GSK3B: variants seen among roughly 807,000 people sequenced by gnomAD.
GSK3B encodes glycogen synthase kinase 3 beta, also known as glycogen synthase kinase-3 beta.
Under a neutral mutation model 56.4 loss-of-function variants are expected in GSK3B, and 15 were observed. That is an observed-to-expected ratio of 0.27 (90% CI 0.18 to 0.41). The LOEUF (loss-of-function observed/expected upper bound fraction) is 0.41. GSK3B is among the 10% of genes least tolerant of loss of function. GSK3B has a pLI of 1.00. For synonymous variants in GSK3B, 181 were observed against 188.9 expected (o/e 0.96, Z 0.34); for missense variants, 300 against 513.4 (o/e 0.58, Z 4.02).
chr3:119,840,438 C>T (rs144827132), intron 10 of GSK3B, among the ~76,000 whole-genome samples: 2,639 of 152,034 alleles, frequency 0.017, 79 homozygotes, highest in South Asian at 0.067. Context: ...TGGTCAGGCT[C>T]GTCTTGAACT....
chr3:119,839,721 T>C (rs755880215), intron 10 of GSK3B, among the ~76,000 whole-genome samples: 2 of 152,208 alleles, frequency 1.3e-5, no homozygotes, highest in Non-Finnish European at 2.9e-5. Flanking sequence ...TTAAGTATTA[T>C]TTTGCTTCTT....
chr3:119,912,054 C>T (rs1163710941), intron 6 of GSK3B, among the ~76,000 whole-genome samples: 1 of 152,168 alleles, frequency 6.6e-6, no homozygotes, highest in Non-Finnish European at 1.5e-5. Context: ...ATATGCCTTC[C>T]TTGCTCAGCT....
At chr3:119,911,405 A>T (rs2056733249) in intron 6 of GSK3B, among the ~76,000 whole-genome samples, 1 of 152,148 alleles carries the variant, frequency 6.6e-6, no homozygotes, top group South Asian at 2.1e-4. Context: ...TAAGGGCCCT[A>T]GGATTTCTGG....
intron 7 of GSK3B, among the ~76,000 whole-genome samples, chr3:119,893,489 T>C (rs1315846388): frequency 1.3e-5 from 2 of 152,152 alleles, no homozygotes; most frequent in Non-Finnish European, 2.9e-5. Flanking sequence ...AGCAAAAAGG[T>C]ATAGCTGCAG....
intron 1 of GSK3B, among the ~76,000 whole-genome samples, chr3:120,050,629 C>A (rs956697056): frequency 1.3e-5 from 2 of 152,034 alleles, no homozygotes; most frequent in Non-Finnish European, 2.9e-5. Context: ...TGCCATTTAC[C>A]AAGATAGAGA....
chr3:119,945,856 T>TAAC (rs761653694), intron 3 of GSK3B, among the ~76,000 whole-genome samples: 21 of 151,950 alleles, frequency 1.4e-4, no homozygotes, highest in Admixed American at 2.0e-4. Context: ...ATGTATCTAG[T>TAAC]AACAACAACA....
intron 1 of GSK3B, among the ~76,000 whole-genome samples, chr3:120,065,906 A>G (rs2058274555): frequency 6.6e-6 from 1 of 152,164 alleles, no homozygotes; most frequent in African/African-American, 2.4e-5. Context: ...GAATAAGCAA[A>G]TCCACAGAGT....
At chr3:120,055,702 AC>A (rs1388520440) in intron 1 of GSK3B, among the ~76,000 whole-genome samples, 1 of 152,230 alleles carries the variant, frequency 6.6e-6, no homozygotes, top group African/African-American at 2.4e-5. Flanking sequence ...CTTCTCAGTA[AC>A]AACTGGGAAA....
chr3:120,082,385 CTTTTTTTTTTTTTTTT>C (rs1173737285), intron 1 of GSK3B, among the ~76,000 whole-genome samples: 3 of 66,384 alleles, frequency 4.5e-5, no homozygotes, highest in East Asian at 1.4e-3. Context: ...TTAGTATGTT[CTTTTTTTTTTTTTTTT>C]TTTTTTTTTT....
At chr3:120,088,948 C>CT (rs2058488523) in intron 1 of GSK3B, among the ~76,000 whole-genome samples, 1 of 152,226 alleles carries the variant, frequency 6.6e-6, no homozygotes, top group Admixed American at 6.5e-5. Flanking sequence ...ACAGCCTTCT[C>CT]TATGCATAAA....
chr3:119,922,745 AAACTT>A (rs1157435204), intron 4 of GSK3B, among the ~76,000 whole-genome samples: 1 of 152,090 alleles, frequency 6.6e-6, no homozygotes, highest in African/African-American at 2.4e-5. Flanking sequence ...GTGAACTTTC[AAACTT>A]AACTACTAGT....
chr3:119,862,798 T>C, intron 9 of GSK3B, among the ~76,000 whole-genome samples: 1 of 150,894 alleles, frequency 6.6e-6, no homozygotes, highest in East Asian at 2.0e-4. Context: ...AAAAGAAAAC[T>C]GAACACAGAA....
intron 10 of GSK3B, among the ~76,000 whole-genome samples, chr3:119,835,684 A>T (rs536008683): frequency 1.3e-4 from 19 of 151,876 alleles, no homozygotes; most frequent in East Asian, 1.2e-3. Flanking sequence ...GTTTTTTTTT[A>T]AAAAGTTGCA....
At chr3:120,032,252 G>A (rs968230639) in intron 1 of GSK3B, among the ~76,000 whole-genome samples, 4 of 152,098 alleles carry the variant, frequency 2.6e-5, no homozygotes, top group South Asian at 2.1e-4. Context: ...CGAGGCAGGC[G>A]GATCACAAGG....
chr3:119,911,660 T>C (rs1307481325), intron 6 of GSK3B, among the ~76,000 whole-genome samples: 1 of 152,194 alleles, frequency 6.6e-6, no homozygotes, highest in Non-Finnish European at 1.5e-5. Context: ...TCATCGATGA[T>C]CTTAGTTAGA....
chr3:120,066,675 A>G (rs2058282869), intron 1 of GSK3B, among the ~76,000 whole-genome samples: 1 of 152,196 alleles, frequency 6.6e-6, no homozygotes, highest in East Asian at 1.9e-4. Flanking sequence ...TAAAGAAATA[A>G]TGATCTAGAT....
intron 1 of GSK3B, among the ~76,000 whole-genome samples, chr3:120,064,227 A>G (rs1472287656): frequency 6.6e-6 from 1 of 151,784 alleles, no homozygotes; most frequent in Non-Finnish European, 1.5e-5. Context: ...TATAACCCTA[A>G]ACCCTTAATC....
chr3:119,867,130 T>G (rs1331944862), intron 8 of GSK3B, among the ~76,000 whole-genome samples: 1 of 152,164 alleles, frequency 6.6e-6, no homozygotes, highest in Non-Finnish European at 1.5e-5. Context: ...GTATAAACAT[T>G]TTTTTGCTAA....
chr3:119,916,002 G>C (rs199721887), intron 5 of GSK3B, 42 bp downstream of exon 5: 6 of 1,400,296 alleles, frequency 4.3e-6, no homozygotes, highest in Non-Finnish European at 5.0e-6. Flanking sequence ...GTAGGGGGAG[G>C]AGGGGAAAAG....
Sources: allele counts gnomAD v4.1 joint callset (sites outside exome capture counted in the v4.1 genomes callset), GRCh38; gene constraint gnomAD v4.1.1; transcripts MANE v1.5; gene names NCBI Gene and HGNC (gene_info 2026-07-23, HGNC 2026-07-21).